Variants in KHDRBS2 observed in about 807,000 individuals in gnomAD.
KHDRBS2 encodes KH RNA binding domain containing, signal transduction associated 2.
Under a neutral mutation model 44.3 loss-of-function variants are expected in KHDRBS2, and 26 were observed. That is an observed-to-expected ratio of 0.59 (90% CI 0.43 to 0.81). The LOEUF is 0.81. Ranked by LOEUF, KHDRBS2 falls within the 40% of genes least tolerant of loss-of-function variation. KHDRBS2 has a pLI of 0.00. For missense variants in KHDRBS2, 476 were observed against 433.1 expected, an observed-to-expected ratio of 1.10 and a Z score of -0.88; for synonymous variants, 194 against 151.1, an observed-to-expected ratio of 1.28 and a Z score of -2.08.
chr6:62,200,064 C>T (rs1015639750), intron 1 of KHDRBS2, among the ~76,000 whole-genome samples: 4 of 152,256 alleles, frequency 2.6e-5, no homozygotes, highest in Admixed American at 6.5e-5. Flanking sequence ...CCCTTCCTTA[C>T]ACCTTATACA....
chr6:61,746,476 A>AG (rs34836320), intron 6 of KHDRBS2, among the ~76,000 whole-genome samples: 62,999 of 151,800 alleles, frequency 0.42, 13,461 homozygotes, highest in Middle Eastern at 0.51. Flanking sequence ...GTCCCTGCAA[A>AG]GACATGAACT....
intron 2 of KHDRBS2, among the ~76,000 whole-genome samples, chr6:62,083,759 C>A (rs1218369219): frequency 6.6e-6 from 1 of 152,158 alleles, no homozygotes; most frequent in African/African-American, 2.4e-5. Context: ...AGGGAACTAT[C>A]CCGTTTCAAA....
At chr6:62,189,399 TG>T (rs1824136323) in intron 1 of KHDRBS2, among the ~76,000 whole-genome samples, 2 of 152,082 alleles carry the variant, frequency 1.3e-5, no homozygotes, top group African/African-American at 4.8e-5. Flanking sequence ...GGGCCAGAAC[TG>T]TGCATCCAGG....
chr6:61,831,919 G>T (rs1791884147), intron 6 of KHDRBS2, among the ~76,000 whole-genome samples: 1 of 152,132 alleles, frequency 6.6e-6, no homozygotes, highest in South Asian at 2.1e-4. Context: ...CATTATATGA[G>T]GTGAAGATAT....
At chr6:62,174,753 G>A (rs955448159) in intron 2 of KHDRBS2, among the ~76,000 whole-genome samples, 4 of 151,798 alleles carry the variant, frequency 2.6e-5, no homozygotes, top group Non-Finnish European at 5.9e-5. Context: ...GTCAAGGGGA[G>A]AAATGGTTCT....
rs372479743 is a variant in KHDRBS2 at position 62,088,283 on chromosome 6, G to A, written c.220-40289C>T. On this transcript the variant is annotated intron_variant, in intron 2 of 8. Transcript: ENST00000281156. ...CTTTTGGAGGAGAAGAGGCATTCTG[G>A]CTTTTGGAATTTTCAGCCTTTTTTG... is the stretch of plus-strand genomic sequence containing the variant. 9.2e-5 allele frequency among the ~76,000 whole-genome samples: 14 copies of A among 152,106 alleles called. No individual in the cohort carries two copies. The East Asian group carries it at 2.3e-3, about 25-fold the overall frequency.
At chr6:62,140,766 A>G (rs1309041203) in intron 2 of KHDRBS2, among the ~76,000 whole-genome samples, 4 of 152,226 alleles carry the variant, frequency 2.6e-5, no homozygotes, top group Non-Finnish European at 5.9e-5. Context: ...TGGCAGATCA[A>G]TGAAAAAAGG....
At chr6:61,977,675 C>T (rs1327285948) in intron 4 of KHDRBS2, among the ~76,000 whole-genome samples, 4 of 151,950 alleles carry the variant, frequency 2.6e-5, no homozygotes, top group Non-Finnish European at 4.4e-5. Flanking sequence ...GATCTCTTTC[C>T]CTTTCCACTA....
At position 62,236,823 on chromosome 6, in the gene KHDRBS2, T is replaced by C. The variant is rs150456479; in HGVS notation, c.91+49035A>G. Among the ~76,000 whole-genome samples the C allele has an allele frequency of 1.8e-3, 272 of 152,308 alleles. 2 individuals carry two copies. Among genetic ancestry groups the C allele is most frequent in the African/African-American group, 6.2e-3 (257 of 41,578 alleles). ...TGCTAAACATGTGCTTGGCGTAACT[T>C]ACAGTACCAGAAGATTTATAGAAAT... On this transcript the variant is annotated intron_variant, in intron 1 of 8. Transcript: ENST00000281156.
Position 62,021,169 on chromosome 6 carries a change from CA to C in KHDRBS2, c.336+26708del, listed in dbSNP as rs1317308725. ...GCCTATTCCCACTTATTATTAAATC[CA>C]AATACCACATATTCCCACTTAGTGG... On this transcript the variant is annotated intron_variant, in intron 3 of 8. Coordinates refer to ENST00000281156, the MANE Select transcript of KHDRBS2 (RefSeq NM_152688.4). Among the ~76,000 whole-genome samples, 3 of 151,924 alleles carry C rather than the reference CA, an allele frequency of 2.0e-5. No homozygotes were observed. In the East Asian group the frequency reaches 5.8e-4, roughly 29 times the overall value.
chr6:62,172,391 A>T (rs1331558364), intron 2 of KHDRBS2, among the ~76,000 whole-genome samples: 1 of 152,136 alleles, frequency 6.6e-6, no homozygotes, highest in Non-Finnish European at 1.5e-5. Flanking sequence ...TAATTATCCT[A>T]AGCATATATG....
chr6:61,782,734 T>C (rs1189885292), intron 6 of KHDRBS2, among the ~76,000 whole-genome samples: 2,319 of 93,872 alleles, frequency 0.025, 102 homozygotes, highest in African/African-American at 0.043. Context: ...TATATATATA[T>C]ATATACACAC....
chr6:62,006,901 T>C (rs1779343565), intron 3 of KHDRBS2, among the ~76,000 whole-genome samples: 1 of 152,016 alleles, frequency 6.6e-6, no homozygotes, highest in African/African-American at 2.4e-5. Context: ...GCAGGAGTTA[T>C]TAGATAAATT....
chr6:62,006,164 A>T (rs77805169), intron 3 of KHDRBS2, among the ~76,000 whole-genome samples: 7,987 of 152,064 alleles, frequency 0.053, 280 homozygotes, highest in African/African-American at 0.092. Context: ...ACAGTAATAC[A>T]ACTGTAAAAC....
chr6:61,635,364 T>C, the KHDRBS2 span, among the ~76,000 whole-genome samples: 1 of 152,108 alleles, frequency 6.6e-6, no homozygotes, highest in Admixed American at 6.6e-5. Context: ...TCTCTGTCAG[T>C]TGCTTCTTTT....
chr6:61,817,583 A>G (rs1170796990), intron 6 of KHDRBS2, among the ~76,000 whole-genome samples: 5 of 152,098 alleles, frequency 3.3e-5, no homozygotes, highest in Admixed American at 6.6e-5. Context: ...CTGTTTAAAT[A>G]CCTTCGATTT....
In KHDRBS2 at chr6:62,188,122, C is replaced by A. The variant is rs565784034; in HGVS notation, c.92-10810G>T. Among the ~76,000 whole-genome samples, 5 of 152,048 alleles carry A rather than the reference C, an allele frequency of 3.3e-5. No homozygotes were observed. The East Asian group carries it at 9.8e-4, about 30-fold the overall frequency. On this transcript the variant is annotated intron_variant, in intron 1 of 8. Transcript: ENST00000281156. ...TCACTCATTACCATGGGGAAAGCAC[C>A]AATCCATTCATGAGGGATCTGCCCT...
chr6:61,597,773 T>TATATATATATATATGC, the KHDRBS2 span, among the ~76,000 whole-genome samples: 1 of 42,330 alleles, frequency 2.4e-5, no homozygotes, highest in African/African-American at 8.6e-5. Flanking sequence ...TATATATATA[T>TATATATATATATATGC]ACACCAAGAT....
chr6:61,940,895 C>T (rs1017216697), intron 4 of KHDRBS2, among the ~76,000 whole-genome samples: 2 of 152,146 alleles, frequency 1.3e-5, no homozygotes, highest in Non-Finnish European at 2.9e-5. Context: ...AGGGCTGAGT[C>T]GTGAGTATGG....
Sources: allele counts gnomAD v4.1 joint callset (sites outside exome capture counted in the v4.1 genomes callset), GRCh38; gene constraint gnomAD v4.1.1; transcripts MANE v1.5; gene names NCBI Gene and HGNC (gene_info 2026-07-23, HGNC 2026-07-21).